Variants in ANKS1B observed in about 807,000 individuals in gnomAD.
The protein encoded by ANKS1B is ankyrin repeat and sterile alpha motif domain containing 1B.
A neutral mutation model predicts 148.3 loss-of-function variants in ANKS1B; 36 were observed. That is an observed-to-expected ratio of 0.24 (90% CI 0.19 to 0.32). The LOEUF is 0.32. Ranked by LOEUF, ANKS1B falls within the 10% of genes least tolerant of loss-of-function variation. The pLI, the probability that ANKS1B is intolerant of heterozygous loss-of-function variation, is 1.00. For missense variants in ANKS1B, 1,157 were observed against 1,542.6 expected (o/e 0.75, Z 4.19); for synonymous variants, 542 against 560.8 (o/e 0.97, Z 0.47).
chr12:98,830,666 G>GA (rs2099300116), intron 18 of ANKS1B, among the ~76,000 whole-genome samples: 1 of 152,162 alleles, frequency 6.6e-6, no homozygotes. Flanking sequence ...CATCTCTTCA[G>GA]AAAAGAAATC....
At chr12:99,109,076 C>T (rs188218175) in intron 15 of ANKS1B, among the ~76,000 whole-genome samples, 216 of 152,252 alleles carry the variant, frequency 1.4e-3, no homozygotes, top group African/African-American at 4.9e-3. Flanking sequence ...TTTCTCTTCT[C>T]GCTCTGATAC....
At chr12:99,674,882 T>C (rs1023751986) in intron 8 of ANKS1B, among the ~76,000 whole-genome samples, 3 of 151,784 alleles carry the variant, frequency 2.0e-5, no homozygotes, top group African/African-American at 7.2e-5. Flanking sequence ...AAAATAATAA[T>C]ATCCTTAATA....
At chr12:98,895,003 G>GGCA in intron 17 of ANKS1B, 8 of 819,672 alleles carry the variant, frequency 9.8e-6, no homozygotes, top group Non-Finnish European at 1.2e-5. Flanking sequence ...CGGCGGCGGC[G>GGCA]GCGGCGCGTC....
chr12:98,762,794 T>A (rs537604199), intron 25 of ANKS1B, among the ~76,000 whole-genome samples: 1 of 152,368 alleles, frequency 6.6e-6, no homozygotes, highest in Admixed American at 6.5e-5. Context: ...GATTTTCTCC[T>A]TATAGGGCTG....
chr12:99,641,782 G>A (rs1198690278), intron 9 of ANKS1B, among the ~76,000 whole-genome samples: 1 of 152,042 alleles, frequency 6.6e-6, no homozygotes, highest in African/African-American at 2.4e-5. Flanking sequence ...CTCTTTAACA[G>A]TGAAATGCCA....
At chr12:99,479,937 GTTAA>G (rs778040796) in intron 10 of ANKS1B, among the ~76,000 whole-genome samples, 13 of 151,750 alleles carry the variant, frequency 8.6e-5, no homozygotes, top group Non-Finnish European at 1.2e-4. Flanking sequence ...TGATGGATAT[GTTAA>G]TTAGTTTGAT....
At chr12:99,751,509 C>T (rs954938273) in intron 8 of ANKS1B, among the ~76,000 whole-genome samples, 5 of 151,900 alleles carry the variant, frequency 3.3e-5, no homozygotes, top group African/African-American at 4.8e-5. Context: ...AAAGAACTAC[C>T]CCAGGCAAGA....
chr12:99,659,482 G>A (rs1217607840), intron 8 of ANKS1B, among the ~76,000 whole-genome samples: 4 of 152,098 alleles, frequency 2.6e-5, no homozygotes, highest in Non-Finnish European at 5.9e-5. Context: ...AGAAAGACTG[G>A]ACCAATTCTA....
chr12:99,079,091 G>C (rs916174115), intron 16 of ANKS1B, among the ~76,000 whole-genome samples: 2 of 152,184 alleles, frequency 1.3e-5, no homozygotes, highest in Admixed American at 1.3e-4. Context: ...AACCATGTGA[G>C]TGAGTTAGGA....
intron 8 of ANKS1B, among the ~76,000 whole-genome samples, chr12:99,725,649 G>C (rs2058547473): frequency 6.6e-6 from 1 of 152,138 alleles, no homozygotes; most frequent in Admixed American, 6.5e-5. Context: ...TCTGGATCAA[G>C]TGGACCTAAA....
chr12:99,717,964 C>G (rs1377393029), intron 8 of ANKS1B, among the ~76,000 whole-genome samples: 1 of 136,628 alleles, frequency 7.3e-6, no homozygotes, highest in Non-Finnish European at 1.5e-5. Flanking sequence ...AGTGCAGTGG[C>G]GCGATCTCGG....
At chr12:98,809,416 C>A (rs1271237511) in intron 19 of ANKS1B, among the ~76,000 whole-genome samples, 1 of 152,194 alleles carries the variant, frequency 6.6e-6, no homozygotes. Context: ...TAATTCTTTA[C>A]ACAAATCACA....
chr12:98,750,568 C>T (rs150595485), intron 26 of ANKS1B, among the ~76,000 whole-genome samples: 8 of 152,188 alleles, frequency 5.3e-5, no homozygotes, highest in African/African-American at 1.4e-4. Flanking sequence ...TGGAAGGATT[C>T]GGGGGCGTGA....
intron 1 of ANKS1B, among the ~76,000 whole-genome samples, chr12:99,840,559 G>A (rs569031338): frequency 2.1e-4 from 32 of 152,198 alleles, no homozygotes; most frequent in Non-Finnish European, 3.8e-4. Flanking sequence ...CAAAGGGGTA[G>A]CATCATGTAG....
At chr12:99,187,195 A>C (rs1385526236) in intron 14 of ANKS1B, among the ~76,000 whole-genome samples, 1 of 151,916 alleles carries the variant, frequency 6.6e-6, no homozygotes, top group Non-Finnish European at 1.5e-5. Context: ...ATGTGAAAAG[A>C]CCAAACCTAC....
intron 15 of ANKS1B, among the ~76,000 whole-genome samples, chr12:99,149,268 C>A (rs2074181937): frequency 6.6e-6 from 1 of 152,074 alleles, no homozygotes; most frequent in Admixed American, 6.6e-5. Flanking sequence ...GTAAAATGCA[C>A]CATAGCAATG....
chr12:99,865,323 T>C (rs374150779), intron 1 of ANKS1B, among the ~76,000 whole-genome samples: 7 of 152,160 alleles, frequency 4.6e-5, no homozygotes, highest in East Asian at 1.9e-4. Context: ...CCAGTGATAT[T>C]TTAGCATCCT....
At chr12:98,817,532 C>T (rs1272644134) in intron 19 of ANKS1B, among the ~76,000 whole-genome samples, 1 of 152,206 alleles carries the variant, frequency 6.6e-6, no homozygotes, top group Admixed American at 6.5e-5. Flanking sequence ...TTCTTCCTGC[C>T]CACCATCGGA....
chr12:99,318,760 G>A (rs1353866039), intron 12 of ANKS1B, among the ~76,000 whole-genome samples: 1 of 151,458 alleles, frequency 6.6e-6, no homozygotes, highest in Admixed American at 6.6e-5. Flanking sequence ...TAATTGTGAT[G>A]TTAGCGTGTC....
Sources: allele counts gnomAD v4.1 joint callset (sites outside exome capture counted in the v4.1 genomes callset), GRCh38; gene constraint gnomAD v4.1.1; transcripts MANE v1.5; gene names NCBI Gene and HGNC (gene_info 2026-07-23, HGNC 2026-07-21).